DIS3L2: variants seen among roughly 807,000 people sequenced by gnomAD.
The protein encoded by DIS3L2 is DIS3 like 3'-5' exoribonuclease 2.
Under a neutral mutation model 97.5 loss-of-function variants are expected in DIS3L2, and 34 were observed. That is an observed-to-expected ratio of 0.35 (90% CI 0.27 to 0.46). The LOEUF is 0.46. Among genes scored for constraint, DIS3L2 ranks in the 20% least tolerant of loss-of-function variants. The pLI is 1.00. For missense variants in DIS3L2, 1,038 were observed against 1,146.0 expected, an observed-to-expected ratio of 0.91 and a Z score of 1.36; for synonymous variants, 435 against 445.2, an observed-to-expected ratio of 0.98 and a Z score of 0.29.
intron 6 of DIS3L2, among the ~76,000 whole-genome samples, chr2:232,088,915 C>T (rs1016481195): frequency 2.1e-4 from 32 of 152,202 alleles, no homozygotes; most frequent in African/African-American, 7.7e-4. Context: ...CCGACCAACT[C>T]TGACCTGGCC....
chr2:232,058,837 A>G (rs1415945036), intron 5 of DIS3L2, among the ~76,000 whole-genome samples: 4 of 152,224 alleles, frequency 2.6e-5, no homozygotes, highest in Admixed American at 6.5e-5. Flanking sequence ...TGACTCAGTG[A>G]TGTAAGAAAG....
At chr2:232,072,512 G>C (rs73001143) in intron 5 of DIS3L2, among the ~76,000 whole-genome samples, 1,715 of 152,256 alleles carry the variant, frequency 0.011, 18 homozygotes, top group Non-Finnish European at 0.016. Context: ...GTGCAGTCAG[G>C]TAGAGCCTTT....
intron 11 of DIS3L2, among the ~76,000 whole-genome samples, chr2:232,242,955 A>T (rs185117829): frequency 6.6e-6 from 1 of 152,134 alleles, no homozygotes; most frequent in Admixed American, 6.5e-5. Flanking sequence ...TGTTCGAGGG[A>T]TGTAAAGATG....
chr2:232,114,263 C>T (rs1279718732), intron 6 of DIS3L2, among the ~76,000 whole-genome samples: 1 of 147,250 alleles, frequency 6.8e-6, no homozygotes, highest in Non-Finnish European at 1.5e-5. Context: ...TGACTAAGAG[C>T]AACAGCGCTG....
At chr2:232,246,396 G>A (rs1161614895) in intron 11 of DIS3L2, among the ~76,000 whole-genome samples, 1 of 152,260 alleles carries the variant, frequency 6.6e-6, no homozygotes, top group Non-Finnish European at 1.5e-5. Context: ...AGGGGGTGCA[G>A]TGGGAAGGCC....
At chr2:232,023,019 A>T (rs1355218416) in intron 3 of DIS3L2, 1 of 152,198 alleles carries the variant, frequency 6.6e-6, no homozygotes, top group East Asian at 1.9e-4. Context: ...TTGCTAACAC[A>T]GTGTCCTCTA....
intron 13 of DIS3L2, among the ~76,000 whole-genome samples, chr2:232,282,454 C>G (rs1215713769): frequency 6.6e-6 from 1 of 152,190 alleles, no homozygotes; most frequent in African/African-American, 2.4e-5. Flanking sequence ...GCATATTGCT[C>G]AGATATAGCC....
intron 1 of DIS3L2, among the ~76,000 whole-genome samples, chr2:232,001,715 C>CT (rs36048859): frequency 0.049 from 2,948 of 60,050 alleles, 112 homozygotes; most frequent in Admixed American, 0.069. Flanking sequence ...ATCTTTAATT[C>CT]TTTTTTTTTT....
chr2:231,986,152 A>C (rs536889441), intron 1 of DIS3L2, among the ~76,000 whole-genome samples: 96 of 152,344 alleles, frequency 6.3e-4, no homozygotes, highest in Non-Finnish European at 9.0e-4. Context: ...GACTGAAGGC[A>C]GCACTGTTGG....
At chr2:232,110,818 A>G (rs1048686560) in intron 6 of DIS3L2, among the ~76,000 whole-genome samples, 2 of 152,082 alleles carry the variant, frequency 1.3e-5, no homozygotes, top group South Asian at 4.1e-4. Context: ...GTGACCAAAC[A>G]TGGCACATGT....
At chr2:232,257,199 C>G (rs1397006416) in intron 12 of DIS3L2, among the ~76,000 whole-genome samples, 2 of 152,160 alleles carry the variant, frequency 1.3e-5, no homozygotes, top group Non-Finnish European at 2.9e-5. Context: ...CTGAGCTTTG[C>G]TTAGTGATGA....
intron 14 of DIS3L2, 28 bp from the exon 15 acceptor site, chr2:232,329,785 T>TGCCCGGGGGGGC: frequency 3.6e-5 from 35 of 967,120 alleles, no homozygotes; most frequent in Non-Finnish European, 4.7e-5. Context: ...ACCCCAGCGG[T>TGCCCGGGGGGGC]CCCTCCCATC....
intron 11 of DIS3L2, among the ~76,000 whole-genome samples, chr2:232,243,931 C>G (rs1693175417): frequency 6.6e-6 from 1 of 152,186 alleles, no homozygotes; most frequent in South Asian, 2.1e-4. Context: ...CCTCCTTCAT[C>G]CACAGGACAT....
chr2:231,998,814 C>A (rs928238127), intron 1 of DIS3L2, among the ~76,000 whole-genome samples: 14 of 152,126 alleles, frequency 9.2e-5, no homozygotes, highest in Admixed American at 3.9e-4. Context: ...GGAATGGCTT[C>A]TCCCTTTCAC....
Position 232,303,965 on chromosome 2 carries a change from C to T in DIS3L2, c.1739+3846C>T, listed in dbSNP as rs371332883. Among the ~76,000 whole-genome samples, 9 of 152,216 alleles carry T rather than the reference C, an allele frequency of 5.9e-5. No homozygotes were observed. The East Asian group carries it at 7.7e-4, about 13-fold the overall frequency. ...TCTCTAAGGCTAGAGGCACAGCTGTCGGGTAAACATTCTTAAAGCTCTGAG... is the reference window on the plus strand; with the variant it reads ...TCTCTAAGGCTAGAGGCACAGCTGTTGGGTAAACATTCTTAAAGCTCTGAG... On this transcript the variant is annotated intron_variant, in intron 14 of 20. Coordinates refer to ENST00000325385, the MANE Select transcript of DIS3L2 (RefSeq NM_152383.5).
chr2:232,058,574 G>C (rs1695611767), intron 5 of DIS3L2, among the ~76,000 whole-genome samples: 1 of 152,140 alleles, frequency 6.6e-6, no homozygotes, highest in African/African-American at 2.4e-5. Context: ...GGATGTCACT[G>C]TCACCAATTA....
chr2:232,002,779 A>G (rs1480365447), intron 1 of DIS3L2, among the ~76,000 whole-genome samples: 2 of 151,906 alleles, frequency 1.3e-5, no homozygotes, highest in Admixed American at 6.6e-5. Context: ...CCATCTACTC[A>G]CTGTAGGTAG....
At chr2:232,116,473 A>G (rs1697716065) in intron 6 of DIS3L2, among the ~76,000 whole-genome samples, 1 of 152,148 alleles carries the variant, frequency 6.6e-6, no homozygotes, top group Non-Finnish European at 1.5e-5. Context: ...AGTTCATCCT[A>G]CTGTCATTGA....
intron 11 of DIS3L2, among the ~76,000 whole-genome samples, chr2:232,244,592 G>A (rs148030776): frequency 4.6e-5 from 7 of 152,332 alleles, no homozygotes; most frequent in Non-Finnish European, 1.0e-4. Context: ...GAAGACACTC[G>A]TTGTGAGATG....
Sources: gnomAD v4.1 joint callset for allele counts (sites outside exome capture counted in the v4.1 genomes callset) on GRCh38, gnomAD v4.1.1 for gene constraint, MANE v1.5 for transcripts, NCBI Gene and HGNC (gene_info 2026-07-23, HGNC 2026-07-21) for gene names.